The following GRID2 variants were observed in gnomAD, a reference collection of about 807,000 sequenced individuals.
GRID2 encodes glutamate ionotropic receptor delta type subunit 2, also known as glutamate receptor ionotropic, delta-2.
In GRID2, 33 loss-of-function variants were observed where a neutral mutation model predicts 114.8. The observed-to-expected ratio is 0.29, with a 90% confidence interval of 0.22 to 0.38. The LOEUF (loss-of-function observed/expected upper bound fraction) is 0.38. Among genes scored for constraint, GRID2 ranks in the 10% least tolerant of loss-of-function variants. The pLI is 1.00. For synonymous variants in GRID2, 505 were observed against 449.9 expected (o/e 1.12, Z -1.55); for missense variants, 1,184 against 1,257.7 (o/e 0.94, Z 0.89).
intron 1 of GRID2, among the ~76,000 whole-genome samples, chr4:92,486,935 T>C (rs1722927483): frequency 6.6e-6 from 1 of 151,976 alleles, no homozygotes; most frequent in Non-Finnish European, 1.5e-5. Context: ...ATGGCTTTTC[T>C]TCATTAGATT....
At chr4:93,601,108 TC>T (rs1739633551) in intron 13 of GRID2, among the ~76,000 whole-genome samples, 3 of 152,204 alleles carry the variant, frequency 2.0e-5, no homozygotes, top group Admixed American at 6.5e-5. Context: ...TAATGAAAAT[TC>T]ATTGAATTTG....
chr4:92,420,892 C>G (rs1033771624), intron 1 of GRID2, among the ~76,000 whole-genome samples: 1 of 152,044 alleles, frequency 6.6e-6, no homozygotes, highest in Admixed American at 6.6e-5. Context: ...CACGTGTTGT[C>G]CAGGCTGATC....
chr4:93,575,082 C>T (rs1294614946), intron 13 of GRID2, among the ~76,000 whole-genome samples: 3 of 152,132 alleles, frequency 2.0e-5, no homozygotes, highest in Admixed American at 6.6e-5. Context: ...AGAGCCTATT[C>T]CAAGAGAAAC....
intron 1 of GRID2, among the ~76,000 whole-genome samples, chr4:92,558,115 C>T (rs974074275): frequency 4.6e-5 from 7 of 152,034 alleles, no homozygotes; most frequent in African/African-American, 1.7e-4. Flanking sequence ...AACATTGTTC[C>T]TGTGAGGGAA....
At chr4:93,556,307 C>T (rs561748315) in intron 13 of GRID2, among the ~76,000 whole-genome samples, 1 of 152,012 alleles carries the variant, frequency 6.6e-6, no homozygotes, top group South Asian at 2.1e-4. Context: ...AATAAATTCA[C>T]CTGAGCTGAA....
intron 2 of GRID2, among the ~76,000 whole-genome samples, chr4:93,079,071 A>C (rs957212367): frequency 6.6e-6 from 1 of 151,436 alleles, no homozygotes; most frequent in Non-Finnish European, 1.5e-5. Context: ...GAATAGGAAA[A>C]TATTCAATTT....
chr4:93,384,437 C>T (rs1764135127), intron 8 of GRID2, among the ~76,000 whole-genome samples: 2 of 152,024 alleles, frequency 1.3e-5, no homozygotes, highest in African/African-American at 4.8e-5. Flanking sequence ...ACAAATATCT[C>T]CTTTGTAAAA....
chr4:92,417,127 A>T (rs1731655774), intron 1 of GRID2, among the ~76,000 whole-genome samples: 1 of 152,092 alleles, frequency 6.6e-6, no homozygotes, highest in Non-Finnish European at 1.5e-5. Flanking sequence ...TGCAAAAATA[A>T]TTGTCTGCAA....
chr4:93,698,164 TCTCTC>T (rs1026239068), intron 14 of GRID2, among the ~76,000 whole-genome samples: 1 of 151,976 alleles, frequency 6.6e-6, no homozygotes, highest in Non-Finnish European at 1.5e-5. Context: ...GATCATTTTT[TCTCTC>T]CTCCTTCAAA....
chr4:92,462,989 CAG>C, intron 1 of GRID2, among the ~76,000 whole-genome samples: 1 of 151,764 alleles, frequency 6.6e-6, no homozygotes. Context: ...ACATAAGAGA[CAG>C]AAATAAATGT....
intron 8 of GRID2, among the ~76,000 whole-genome samples, chr4:93,316,291 C>CGAAA (rs201308452): frequency 0.072 from 5,551 of 76,666 alleles, 187 homozygotes; most frequent in Admixed American, 0.12. Flanking sequence ...AACGAAAGAA[C>CGAAA]GAAAGAAAGA....
At chr4:93,682,213 A>G (rs1179371194) in intron 14 of GRID2, among the ~76,000 whole-genome samples, 1 of 148,414 alleles carries the variant, frequency 6.7e-6, no homozygotes, top group Non-Finnish European at 1.5e-5. Context: ...GAGAAATGCA[A>G]ATCAAAACCA....
At chr4:93,073,551 C>G (rs2149307921) in intron 2 of GRID2, among the ~76,000 whole-genome samples, 1 of 152,178 alleles carries the variant, frequency 6.6e-6, no homozygotes, top group Admixed American at 6.5e-5. Flanking sequence ...GGATTTTTTA[C>G]TGTGGGGGTT....
chr4:92,728,094 T>C (rs1223690056), intron 2 of GRID2, among the ~76,000 whole-genome samples: 1 of 152,078 alleles, frequency 6.6e-6, no homozygotes, highest in Non-Finnish European at 1.5e-5. Flanking sequence ...GAACAGATCA[T>C]GTAAATCCTT....
intron 1 of GRID2, among the ~76,000 whole-genome samples, chr4:92,443,209 C>T (rs1225314768): frequency 1.3e-5 from 2 of 152,020 alleles, no homozygotes; most frequent in South Asian, 2.1e-4. Flanking sequence ...CACCTCAGAC[C>T]GTTTGCCTAT....
intron 10 of GRID2, among the ~76,000 whole-genome samples, chr4:93,442,209 T>G (rs922773515): frequency 1.1e-4 from 16 of 152,102 alleles, no homozygotes; most frequent in Non-Finnish European, 1.8e-4. Context: ...CACTCAATTC[T>G]AGTTCTTTTA....
chr4:93,340,992 A>T (rs1480984116), intron 8 of GRID2, among the ~76,000 whole-genome samples: 1 of 152,140 alleles, frequency 6.6e-6, no homozygotes, highest in Middle Eastern at 3.2e-3. Flanking sequence ...GGTCTATCTA[A>T]TTTATTCTGT....
At chr4:92,503,233 A>G (rs1246493344) in intron 1 of GRID2, among the ~76,000 whole-genome samples, 2 of 152,136 alleles carry the variant, frequency 1.3e-5, no homozygotes, top group Admixed American at 6.6e-5. Context: ...AAATTTTAAA[A>G]ACAATATTTC....
At chr4:92,386,091 A>G (rs1278580772) in intron 1 of GRID2, among the ~76,000 whole-genome samples, 1 of 151,638 alleles carries the variant, frequency 6.6e-6, no homozygotes, top group Non-Finnish European at 1.5e-5. Context: ...ATTCTGTTCA[A>G]TGACACCCTC....
Sources: allele counts gnomAD v4.1 joint callset (sites outside exome capture counted in the v4.1 genomes callset), GRCh38; gene constraint gnomAD v4.1.1; transcripts MANE v1.5; gene names NCBI Gene and HGNC (gene_info 2026-07-23, HGNC 2026-07-21).